The following PIWIL3 variants were observed in gnomAD, a reference collection of about 807,000 sequenced individuals.
The protein encoded by PIWIL3 is piwi like RNA-mediated gene silencing 3.
A neutral mutation model predicts 109.7 loss-of-function variants in PIWIL3; 101 were observed. The ratio of observed to expected loss-of-function variants is 0.92; its 90% CI spans 0.78 to 1.09. The LOEUF (loss-of-function observed/expected upper bound fraction) is 1.09, where lower values mean the gene tolerates loss of function less well. Ranked by LOEUF, PIWIL3 falls within the 50% of genes least tolerant of loss-of-function variation. The pLI, the probability that PIWIL3 is intolerant of heterozygous loss-of-function variation, is 0.00. For synonymous variants in PIWIL3, 373 were observed against 376.4 expected (o/e 0.99, Z 0.10); for missense variants, 1,031 against 1,072.6 (o/e 0.96, Z 0.54).
chr22:24,759,177 A>G (rs6004263), intron 3 of PIWIL3, among the ~76,000 whole-genome samples: 67,873 of 151,776 alleles, frequency 0.45, 15,275 homozygotes, highest in Admixed American at 0.51. Context: ...GAGCCACTGC[A>G]CCCAGTCCAT....
rs752658149 is a variant in PIWIL3 at position 24,756,593 on chromosome 22, T to A, written c.468A>T (p.Gly156=). The A allele has an allele frequency of 6.2e-7, 1 of 1,614,044 alleles. No homozygotes were observed. The highest frequency in any genetic ancestry group is 1.1e-5 in the South Asian group (1 of 91,074). The part of the protein sequence containing the change: ...NVDYKPDIED[G]NLRTILLDQH... ...GATCAAGTAAAATTGTACGGAGATTTCCATCTTCTATGTCTGGTTTGTAGT... is the reference window on the plus strand; with the variant it reads ...GATCAAGTAAAATTGTACGGAGATTACCATCTTCTATGTCTGGTTTGTAGT... Residue 156 remains glycine (G), a synonymous_variant, in exon 5 of 21, where the codon GGA becomes GGT. Transcript: ENST00000616349.
chr22:24,762,455 G>A lies in PIWIL3; in HGVS notation c.45C>T (p.Arg15=). Residue 15 remains arginine, a synonymous_variant, in exon 2 of 21, where the codon CGC becomes CGT. Coordinates refer to ENST00000616349, the MANE Select transcript of PIWIL3 (RefSeq NM_001255975.1). ...ARTRARGRAR[R]RESYQQEAPG... Reference sequence around the variant, plus strand: ...GTGCCTCTTGTTGGTAGCTCTCCCTGCGGCGGGCTCTGCCTCGGGCGCGAG... The same window carrying A: ...GTGCCTCTTGTTGGTAGCTCTCCCTACGGCGGGCTCTGCCTCGGGCGCGAG... 1.2e-6 allele frequency: 2 copies of A among 1,614,002 alleles called. No homozygotes were observed. Among genetic ancestry groups the A allele is most frequent in the South Asian group, 2.2e-5 (2 of 91,038 alleles).
Position 24,724,899 on chromosome 22 carries a change from AT to A in PIWIL3, c.2218del (p.Ile740SerfsTer8). 6.2e-7 allele frequency: 1 copy of A among 1,613,770 alleles called. No individual in the cohort carries two copies. The highest frequency in any genetic ancestry group is 8.5e-7 in the Non-Finnish European group (1 of 1,179,864). On this transcript the variant is annotated frameshift_variant, in exon 18 of 21. Coordinates refer to ENST00000616349, the MANE Select transcript of PIWIL3 (RefSeq NM_001255975.1). LOFTEE classifies it high-confidence loss of function. Reference sequence around the variant, plus strand: ...TAATACAACCTACTTGTTAGGAGAGATGGTTTTTAAGTAGGTCGACATCTTT... The same window carrying A: ...TAATACAACCTACTTGTTAGGAGAGAGGTTTTTAAGTAGGTCGACATCTTT... ...AKKMSTYLKT[I>X]SPNNFTLAFI...
intron 12 of PIWIL3, among the ~76,000 whole-genome samples, chr22:24,744,196 A>C (rs1482031155): frequency 5.4e-5 from 8 of 148,198 alleles, no homozygotes; most frequent in East Asian, 1.9e-4. Context: ...AAAAAAAAAA[A>C]AAAAAAAAAA....
intron 16 of PIWIL3, among the ~76,000 whole-genome samples, chr22:24,727,258 A>G (rs1052777068): frequency 2.0e-5 from 3 of 152,332 alleles, no homozygotes; most frequent in African/African-American, 7.2e-5. Context: ...CACCCCTGTG[A>G]TTGTTATGCT....
At chr22:24,757,818 ACAGAG>A (rs1925178905) in intron 4 of PIWIL3, 85 bp downstream of exon 4, 1 of 1,426,654 alleles carries the variant, frequency 7.0e-7, no homozygotes. Flanking sequence ...AGCCTGGGCG[ACAGAG>A]CAGGACCTTG....
rs556341111 is a variant in PIWIL3, at chr22:24,724,358, C to T, written c.2231+529G>A. 2.0e-5 allele frequency among the ~76,000 whole-genome samples: 3 copies of T among 152,080 alleles called. No homozygotes were observed. In the East Asian group the frequency reaches 5.8e-4, roughly 29 times the overall value. On this transcript the variant is annotated intron_variant, in intron 18 of 20. Transcript: ENST00000616349. ...CAGGTATGAGTGCAGTGCTCCTAGGCTCAAGTGACCTCCCCACCTCAGCTT... is the reference window on the plus strand; with the variant it reads ...CAGGTATGAGTGCAGTGCTCCTAGGTTCAAGTGACCTCCCCACCTCAGCTT...
At chr22:24,729,763 G>A (rs1206072590) in intron 14 of PIWIL3, among the ~76,000 whole-genome samples, 1 of 152,038 alleles carries the variant, frequency 6.6e-6, no homozygotes, top group Non-Finnish European at 1.5e-5. Flanking sequence ...CAAATGCATT[G>A]TCTGCATTGA....
At chr22:24,763,864 C>T (rs889427301) in intron 1 of PIWIL3, among the ~76,000 whole-genome samples, 1 of 152,124 alleles carries the variant, frequency 6.6e-6, no homozygotes, top group African/African-American at 2.4e-5. Flanking sequence ...CACAGCTCAC[C>T]TGCCCTCCGT....
Position 24,760,802 on chromosome 22 carries a change from A to T in PIWIL3, c.103-813T>A, listed in dbSNP as rs953240692. On this transcript the variant is annotated intron_variant, in intron 2 of 20. Transcript: ENST00000616349. ...TCTCAAAAAAAAAAAAAAAAAAAAA[A>T]AGCTGTGACAGGATACCAGGCAGAG... 8.0e-4 allele frequency among the ~76,000 whole-genome samples: 120 copies of T among 149,448 alleles called. 1 individual carries two copies. The highest frequency in any genetic ancestry group is 3.9e-4 in the Non-Finnish European group (26 of 67,362).
Position 24,728,059 on chromosome 22 carries a change from G to C in PIWIL3, c.1906-6C>G. On this transcript the variant is annotated splice_region_variant and splice_polypyrimidine_tract_variant and intron_variant, in intron 15 of 20. Transcript: ENST00000616349. ...ACGAACATTGTTCTTTGTACCTTAA[G>C]TTTGTTTTTGAAAAGGTAATGGAGT... 1 of 1,611,894 alleles carries C rather than the reference G, an allele frequency of 6.2e-7. No homozygotes were observed. The highest frequency in any genetic ancestry group is 8.5e-7 in the Non-Finnish European group (1 of 1,179,348).
At position 24,749,746 on chromosome 22, in the gene PIWIL3, G is replaced by C. The variant is rs187027471; in HGVS notation, c.1163C>G (p.Thr388Arg). Residue 388 changes from threonine (T) to arginine (R), a missense_variant, in exon 10 of 21, where the codon ACG (threonine) becomes AGG (arginine). Thr to Arg is a moderately conservative substitution (Grantham distance 71). Transcript: ENST00000616349. The part of the protein sequence containing the change: ...VSQGRWKKGL[T>R]GTQREPILLI... The stretch of plus-strand genomic sequence containing the variant: ...CAGGATAGGTTCACGTTGTGTACCC[G>C]TTAGGCCCTTTTTCCATCTGCCCTG... 2.5e-6 allele frequency: 4 copies of C among 1,613,826 alleles called. No homozygotes were observed. The highest frequency in any genetic ancestry group is 1.3e-5 in the African/African-American group (1 of 74,850).
At chr22:24,738,188 GAGA>G (rs898147218) in intron 12 of PIWIL3, among the ~76,000 whole-genome samples, 4 of 152,002 alleles carry the variant, frequency 2.6e-5, no homozygotes, top group Non-Finnish European at 5.9e-5. Flanking sequence ...AGGGAAGAGT[GAGA>G]AGGTCTGCAT....
chr22:24,736,649 C>T (rs1487284672), intron 12 of PIWIL3, among the ~76,000 whole-genome samples: 6 of 152,174 alleles, frequency 3.9e-5, no homozygotes, highest in Non-Finnish European at 7.3e-5. Context: ...CACTCAGTGT[C>T]TGGTTTTTAC....
chr22:24,759,887 C>T lies in PIWIL3; in HGVS notation c.205G>A (p.Gly69Arg). 1 of 1,613,908 alleles carries T rather than the reference C, an allele frequency of 6.2e-7. No individual in the cohort carries two copies. The highest frequency in any genetic ancestry group is 1.1e-5 in the South Asian group (1 of 91,054). ...CTTTCACCTTGAGACTGTGCTCCTCCTCCTGCTCCTCCTCTTGCTGCTCTT... is the reference window on the plus strand; with the variant it reads ...CTTTCACCTTGAGACTGTGCTCCTCTTCCTGCTCCTCCTCTTGCTGCTCTT... ...QPRAARGGAG[G>R]GAQSQGVKEP... Residue 69 changes from glycine (G) to arginine (R), a missense_variant, in exon 3 of 21, where the codon GGA becomes AGA. Gly to Arg is a moderately radical substitution (Grantham distance 125). Coordinates refer to ENST00000616349, the MANE Select transcript of PIWIL3 (RefSeq NM_001255975.1).
intron 8 of PIWIL3, among the ~76,000 whole-genome samples, chr22:24,752,560 T>A (rs1296084109): frequency 6.6e-6 from 1 of 152,134 alleles, no homozygotes; most frequent in East Asian, 1.9e-4. Context: ...AGGAGATTCA[T>A]TCGGAATGCC....
At chr22:24,767,353 T>C (rs1925853344) in intron 1 of PIWIL3, among the ~76,000 whole-genome samples, 1 of 149,634 alleles carries the variant, frequency 6.7e-6, no homozygotes, top group South Asian at 2.1e-4. Context: ...CTGGACAACA[T>C]GGTGAAACCC....
At chr22:24,759,840 C>A in intron 3 of PIWIL3, 29 bp downstream of exon 3, 2 of 1,613,550 alleles carry the variant, frequency 1.2e-6, no homozygotes, top group Non-Finnish European at 1.7e-6. Flanking sequence ...GCATCCCCTG[C>A]CCCTCATGTC....
chr22:24,773,651 A>T (rs939049387), intron 1 of PIWIL3, among the ~76,000 whole-genome samples: 3 of 151,530 alleles, frequency 2.0e-5, no homozygotes, highest in African/African-American at 2.4e-5. Flanking sequence ...TATCTAAAAT[A>T]TATTAAGTTT....
Sources: allele counts gnomAD v4.1 joint callset (sites outside exome capture counted in the v4.1 genomes callset), GRCh38; gene constraint gnomAD v4.1.1; transcripts MANE v1.5; gene names NCBI Gene and HGNC (gene_info 2026-07-23, HGNC 2026-07-21).